The following EPHA6 variants were observed in gnomAD, a reference collection of about 807,000 sequenced individuals.
EPHA6 encodes EPH receptor A6.
In EPHA6, 50 loss-of-function variants were observed where a neutral mutation model predicts 112.0. The observed-to-expected ratio is 0.45, with a 90% CI of 0.36 to 0.56. The LOEUF is 0.56. Among genes scored for constraint, EPHA6 ranks in the 20% least tolerant of loss-of-function variants. EPHA6 has a pLI of 0.00. For missense variants in EPHA6, 1,280 were observed against 1,417.4 expected (o/e 0.90, Z 1.56); for synonymous variants, 529 against 490.7 (o/e 1.08, Z -1.03).
intron 11 of EPHA6, among the ~76,000 whole-genome samples, chr3:97,548,739 T>C (rs546278610): frequency 4.6e-5 from 7 of 152,378 alleles, no homozygotes; most frequent in Middle Eastern, 6.8e-3. Flanking sequence ...GCACCCTAGT[T>C]GGTTTTTGTA....
At chr3:96,861,435 A>G (rs554646134) in intron 1 of EPHA6, among the ~76,000 whole-genome samples, 1 of 152,012 alleles carries the variant, frequency 6.6e-6, no homozygotes, top group East Asian at 1.9e-4. Context: ...TTTTATTTTT[A>G]TACCTTATTT....
At chr3:96,976,808 C>A (rs567106386) in intron 2 of EPHA6, among the ~76,000 whole-genome samples, 7 of 152,060 alleles carry the variant, frequency 4.6e-5, no homozygotes, top group Non-Finnish European at 1.0e-4. Flanking sequence ...TATTCAAGAC[C>A]CTAGACTTTC....
chr3:97,288,037 G>C (rs1576850897), intron 5 of EPHA6, among the ~76,000 whole-genome samples: 1 of 151,548 alleles, frequency 6.6e-6, no homozygotes, highest in Non-Finnish European at 1.5e-5. Flanking sequence ...CCAGTCTGGG[G>C]ATTTTCTCTG....
chr3:97,688,580 T>TG (rs2032424498), intron 14 of EPHA6, among the ~76,000 whole-genome samples: 1 of 65,358 alleles, frequency 1.5e-5, no homozygotes, highest in Admixed American at 2.5e-4. Flanking sequence ...TGTCATGGGG[T>TG]GGGGGGAGGG....
At chr3:97,639,766 A>G (rs930295517) in intron 14 of EPHA6, among the ~76,000 whole-genome samples, 11 of 152,180 alleles carry the variant, frequency 7.2e-5, no homozygotes, top group Non-Finnish European at 1.6e-4. Flanking sequence ...GTGATTCTAA[A>G]GACTAAGAGG....
chr3:97,452,472 G>A (rs775347563), intron 7 of EPHA6, among the ~76,000 whole-genome samples: 5 of 151,280 alleles, frequency 3.3e-5, no homozygotes, highest in Admixed American at 1.3e-4. Flanking sequence ...CTGATTTCTC[G>A]CTGGGCTAAG....
chr3:96,917,818 G>A (rs951153670), intron 2 of EPHA6, among the ~76,000 whole-genome samples: 3 of 152,104 alleles, frequency 2.0e-5, no homozygotes, highest in African/African-American at 7.2e-5. Flanking sequence ...GGGTGAGAAG[G>A]AACCAGTGTA....
chr3:97,115,587 G>T (rs2047862354), intron 3 of EPHA6, among the ~76,000 whole-genome samples: 1 of 151,744 alleles, frequency 6.6e-6, no homozygotes, highest in African/African-American at 2.4e-5. Flanking sequence ...AAATATGGAG[G>T]CTTCAGCTCC....
chr3:97,464,660 A>T (rs892583591), intron 7 of EPHA6, among the ~76,000 whole-genome samples: 3 of 152,008 alleles, frequency 2.0e-5, no homozygotes, highest in African/African-American at 7.2e-5. Context: ...AAAAAAGATG[A>T]TTCTGGCCTG....
chr3:97,540,724 A>T (rs2092837110), intron 11 of EPHA6, among the ~76,000 whole-genome samples: 1 of 152,186 alleles, frequency 6.6e-6, no homozygotes, highest in Non-Finnish European at 1.5e-5. Context: ...AGTAAGAGCC[A>T]AAAAAAGAAG....
intron 11 of EPHA6, among the ~76,000 whole-genome samples, chr3:97,535,609 A>C (rs2107657538): frequency 6.6e-6 from 1 of 152,270 alleles, no homozygotes; most frequent in Middle Eastern, 3.4e-3. Context: ...CATAGTAATT[A>C]TTCCAAGATT....
intron 5 of EPHA6, among the ~76,000 whole-genome samples, chr3:97,357,385 T>C (rs950633503): frequency 2.0e-5 from 3 of 152,092 alleles, no homozygotes; most frequent in African/African-American, 7.2e-5. Flanking sequence ...TTCTTTATAG[T>C]AGAACCGGGT....
At chr3:97,706,557 G>A (rs1018487192) in intron 14 of EPHA6, among the ~76,000 whole-genome samples, 12 of 152,172 alleles carry the variant, frequency 7.9e-5, no homozygotes, top group Non-Finnish European at 1.5e-4. Context: ...TAGACTCTTA[G>A]TGGCAGCAAT....
At chr3:97,309,572 T>TAGTAACA (rs2081461462) in intron 5 of EPHA6, among the ~76,000 whole-genome samples, 2 of 151,668 alleles carry the variant, frequency 1.3e-5, no homozygotes. Context: ...TATATACTGA[T>TAGTAACA]AATAGTTACT....
At chr3:97,632,803 T>C (rs547350260) in intron 13 of EPHA6, among the ~76,000 whole-genome samples, 2 of 152,230 alleles carry the variant, frequency 1.3e-5, no homozygotes, top group South Asian at 4.1e-4. Context: ...CAGGTCTTTG[T>C]ATTCATGACT....
At chr3:97,035,861 A>G (rs2045072406) in intron 3 of EPHA6, among the ~76,000 whole-genome samples, 1 of 151,934 alleles carries the variant, frequency 6.6e-6, no homozygotes, top group African/African-American at 2.4e-5. Flanking sequence ...GACGGAATGT[A>G]TTTCCCCAAA....
At chr3:97,209,133 C>G (rs1321163403) in intron 3 of EPHA6, among the ~76,000 whole-genome samples, 2 of 152,058 alleles carry the variant, frequency 1.3e-5, no homozygotes, top group Admixed American at 1.3e-4. Flanking sequence ...TTAGCACACA[C>G]AGAATACTTA....
intron 7 of EPHA6, chr3:97,466,607 C>T (rs751913763): frequency 1.6e-6 from 1 of 636,338 alleles, no homozygotes; most frequent in Non-Finnish European, 2.8e-6. Flanking sequence ...TCAGTATTCT[C>T]ATGTATTTGC....
intron 4 of EPHA6, among the ~76,000 whole-genome samples, chr3:97,241,924 C>T (rs1249585502): frequency 1.3e-5 from 2 of 151,544 alleles, no homozygotes; most frequent in Non-Finnish European, 3.0e-5. Context: ...ATGAATATGT[C>T]ATTCTGTCGG....
Sources: allele counts gnomAD v4.1 joint callset (sites outside exome capture counted in the v4.1 genomes callset), GRCh38; gene constraint gnomAD v4.1.1; transcripts MANE v1.5; gene names NCBI Gene and HGNC (gene_info 2026-07-23, HGNC 2026-07-21).